VWA8: variants seen among roughly 807,000 people sequenced by gnomAD.
VWA8 encodes the protein von Willebrand factor A domain containing 8, also known as von Willebrand factor A domain-containing protein 8.
A neutral mutation model predicts 241.5 loss-of-function variants in VWA8; 221 were observed. The ratio of observed to expected loss-of-function variants is 0.91; its 90% CI spans 0.82 to 1.02. The LOEUF is 1.02. Ranked by LOEUF, VWA8 falls within the 50% of genes least tolerant of loss-of-function variation. VWA8 has a pLI of 0.00. For missense variants in VWA8, 2,322 were observed against 2,328.7 expected (o/e 1.00, Z 0.06); for synonymous variants, 852 against 827.1 (o/e 1.03, Z -0.52).
At position 41,870,261 on chromosome 13, in the gene VWA8, GA is replaced by G. The variant is rs886777802; in HGVS notation, c.1081-1785del. The stretch of plus-strand genomic sequence containing the variant: ...ACAACTATTGACACCTTAATTTCAT[GA>G]AAAAAAAAAAGTTCCACTGTATTTT... On this transcript the variant is annotated intron_variant, in intron 9 of 44. Transcript: ENST00000379310. 8.5e-4 allele frequency among the ~76,000 whole-genome samples: 124 copies of G among 145,530 alleles called. 1 individual carries two copies. The highest frequency in any genetic ancestry group is 7.1e-3 in the Middle Eastern group (2 of 280).
rs112815952 is a variant in VWA8, at chr13:41,620,781, T to C, written c.4612-5697A>G. ...ATGTATTCTTTAAAAACAGATTTGA[T>C]TTTTAATAAATAGTCAAATGACACT... On this transcript the variant is annotated intron_variant, in intron 37 of 44. Coordinates refer to ENST00000379310, the MANE Select transcript of VWA8 (RefSeq NM_015058.2). 4.7e-3 allele frequency among the ~76,000 whole-genome samples: 711 copies of C among 152,328 alleles called. 10 individuals carry two copies. The highest frequency in any genetic ancestry group is 0.016 in the African/African-American group (669 of 41,572).
intron 17 of VWA8, among the ~76,000 whole-genome samples, chr13:41,791,409 T>C (rs1406413892): frequency 6.6e-6 from 1 of 151,894 alleles, no homozygotes; most frequent in East Asian, 1.9e-4. Flanking sequence ...CCAATTTTTG[T>C]TTTTCAGTTT....
chr13:41,833,312 T>G, intron 13 of VWA8, 59 bp downstream of exon 13: 1 of 1,509,390 alleles, frequency 6.6e-7, no homozygotes, highest in Non-Finnish European at 8.8e-7. Context: ...GTTCCATCTT[T>G]ACTGCTTAAG....
intron 21 of VWA8, among the ~76,000 whole-genome samples, chr13:41,744,972 G>A (rs1021288760): frequency 8.6e-5 from 13 of 151,904 alleles, no homozygotes; most frequent in African/African-American, 3.1e-4. Flanking sequence ...CGAGTAGCTG[G>A]GAGTACAGGT....
intron 12 of VWA8, among the ~76,000 whole-genome samples, chr13:41,860,653 T>C (rs1872964562): frequency 6.6e-6 from 1 of 152,156 alleles, no homozygotes; most frequent in Non-Finnish European, 1.5e-5. Context: ...TCTCTAGAAA[T>C]ATAGGAGAAA....
intron 4 of VWA8, among the ~76,000 whole-genome samples, chr13:41,894,089 C>T (rs1266472153): frequency 6.6e-6 from 1 of 152,202 alleles, no homozygotes; most frequent in Non-Finnish European, 1.5e-5. Flanking sequence ...TTTTTAAAAA[C>T]TCCATAGGGA....
intron 1 of VWA8, among the ~76,000 whole-genome samples, chr13:41,957,335 C>G (rs1878394875): frequency 6.6e-6 from 1 of 152,214 alleles, no homozygotes; most frequent in Non-Finnish European, 1.5e-5. Flanking sequence ...TGACTTTTCT[C>G]CTCCTTCGCC....
At chr13:41,932,666 C>T (rs1400310123) in intron 2 of VWA8, among the ~76,000 whole-genome samples, 1 of 151,386 alleles carries the variant, frequency 6.6e-6, no homozygotes, top group African/African-American at 2.4e-5. Context: ...ATCTGAAAAT[C>T]AATCAATGTA....
At chr13:41,743,353 T>C (rs765375934) in intron 21 of VWA8, among the ~76,000 whole-genome samples, 4 of 152,208 alleles carry the variant, frequency 2.6e-5, no homozygotes, top group Non-Finnish European at 5.9e-5. Context: ...CTGTCACGAA[T>C]GATTCTATTC....
intron 35 of VWA8, among the ~76,000 whole-genome samples, chr13:41,676,731 C>G (rs2045062886): frequency 6.6e-6 from 1 of 152,158 alleles, no homozygotes; most frequent in Admixed American, 6.5e-5. Flanking sequence ...CTCCTCTGTT[C>G]AAGTGGTTCT....
chr13:41,573,124 A>G (rs187045063), intron 43 of VWA8, among the ~76,000 whole-genome samples: 2,156 of 149,932 alleles, frequency 0.014, 49 homozygotes, highest in African/African-American at 0.049. Context: ...AAAAAAAAAA[A>G]AAAGAAACAA....
chr13:41,938,608 G>A (rs1357176467), intron 2 of VWA8, among the ~76,000 whole-genome samples: 4 of 151,046 alleles, frequency 2.6e-5, no homozygotes, highest in African/African-American at 4.9e-5. Context: ...CCAAGATTGC[G>A]CCACTGCACT....
At chr13:41,847,367 G>A (rs561472124) in intron 12 of VWA8, among the ~76,000 whole-genome samples, 1 of 152,312 alleles carries the variant, frequency 6.6e-6, no homozygotes, top group African/African-American at 2.4e-5. Flanking sequence ...TATTTAAGTT[G>A]AGATTTCAAA....
At chr13:41,922,017 C>A (rs555736895) in intron 2 of VWA8, among the ~76,000 whole-genome samples, 4 of 152,204 alleles carry the variant, frequency 2.6e-5, no homozygotes, top group Admixed American at 2.0e-4. Context: ...AGGCATCACA[C>A]TACCTGACTT....
chr13:41,777,849 A>G (rs1593765364), intron 20 of VWA8, 136 bp downstream of exon 20: 1 of 658,140 alleles, frequency 1.5e-6, no homozygotes, highest in South Asian at 2.1e-5. Context: ...TTTAGAAGGT[A>G]GCAGAGTCTC....
intron 17 of VWA8, among the ~76,000 whole-genome samples, chr13:41,802,074 T>TA (rs1302094603): frequency 6.6e-6 from 1 of 152,068 alleles, no homozygotes; most frequent in African/African-American, 2.4e-5. Context: ...AGGTGAGCAA[T>TA]CACAGTACCT....
At chr13:41,719,191 T>C in intron 26 of VWA8, 1 of 396,550 alleles carries the variant, frequency 2.5e-6, no homozygotes, top group Non-Finnish European at 3.4e-6. Flanking sequence ...AAAATTATCA[T>C]AAAGAAAACT....
In VWA8 at chr13:41,615,032, T is replaced by C. The variant is rs752525858; in HGVS notation, c.4664A>G (p.Lys1555Arg). 5 of 1,613,984 alleles carry C rather than the reference T, an allele frequency of 3.1e-6. No individual in the cohort carries two copies. The Admixed American group carries it at 6.7e-5, about 22-fold the overall frequency. The change falls in exon 38 of 45, where the codon AAG (lysine) becomes AGG (arginine). Residue 1555 changes from lysine (K) to arginine (R), a missense_variant. Coordinates refer to ENST00000379310, the MANE Select transcript of VWA8 (RefSeq NM_015058.2). The stretch of plus-strand genomic sequence containing the variant: ...GTGAGGCATGTTGTCTGGGTCCTCC[T>C]TCCCGTGTTTGGGGGAGCTTACATC... ...GEDVSSPKHG[K>R]EDPDNMPHVG... is the part of the protein sequence containing the mutation.
chr13:41,761,764 G>A (rs1382768488), intron 20 of VWA8, among the ~76,000 whole-genome samples: 1 of 151,986 alleles, frequency 6.6e-6, no homozygotes, highest in Non-Finnish European at 1.5e-5. Context: ...AACTATATGT[G>A]CTCTTCCTAG....
Sources: gnomAD v4.1 joint callset for allele counts (sites outside exome capture counted in the v4.1 genomes callset) on GRCh38, gnomAD v4.1.1 for gene constraint, MANE v1.5 for transcripts, NCBI Gene and HGNC (gene_info 2026-07-23, HGNC 2026-07-21) for gene names.